Variants in ATE1 observed in about 807,000 individuals in gnomAD.
ATE1 encodes the protein arginyltransferase 1.
ATE1 carries 36 observed loss-of-function variants against 70.5 expected under a neutral mutation model. That is an observed-to-expected ratio of 0.51 (90% CI 0.39 to 0.67). ATE1 has a LOEUF of 0.67. Ranked by LOEUF, ATE1 falls within the 30% of genes least tolerant of loss-of-function variation. ATE1 has a pLI of 0.00. For missense variants in ATE1, 593 were observed against 629.5 expected, an observed-to-expected ratio of 0.94 and a Z score of 0.62; for synonymous variants, 232 against 219.3, an observed-to-expected ratio of 1.06 and a Z score of -0.51.
At position 121,743,447 on chromosome 10, in the gene ATE1, T is replaced by G; in HGVS notation, c.*233A>C. The G allele has an allele frequency of 1.3e-6, 1 of 771,198 alleles. No individual in the cohort carries two copies. Among genetic ancestry groups the G allele is most frequent in the Non-Finnish European group, 1.7e-6 (1 of 580,808 alleles). 47.8% of individuals were successfully genotyped at this position (771,198 alleles called of 1,614,324 possible). ...TTGCTCTAGAAAGAATCCTCCAAAA[T>G]GATAAATCCCAATTATGGGGGCTAG... On this transcript the variant is annotated 3_prime_UTR_variant, in exon 12 of 12. Coordinates refer to ENST00000224652, the MANE Select transcript of ATE1 (RefSeq NM_001001976.3).
At chr10:121,789,338 G>T (rs1051690833) in intron 11 of ATE1, among the ~76,000 whole-genome samples, 2 of 113,798 alleles carry the variant, frequency 1.8e-5, no homozygotes, top group South Asian at 3.0e-4. Flanking sequence ...TTACACTGTC[G>T]CCCAGGCTGA....
intron 1 of ATE1, chr10:121,927,108 G>C (rs1010052426): frequency 3.0e-6 from 3 of 985,274 alleles, no homozygotes; most frequent in Non-Finnish European, 3.6e-6. Context: ...TGCATGGCAA[G>C]AGAGGAAATA....
chr10:121,811,882 A>G (rs1007290710), intron 10 of ATE1, among the ~76,000 whole-genome samples: 3 of 151,336 alleles, frequency 2.0e-5, no homozygotes, highest in Non-Finnish European at 4.4e-5. Flanking sequence ...ACGTGGTGCT[A>G]TACTGGAATA....
chr10:121,789,318 A>C lies in ATE1; in HGVS notation c.1378+851T>G, dbSNP rs1037758718. On this transcript the variant is annotated intron_variant, in intron 11 of 11. Transcript: ENST00000224652. ...ATGCTTTTTTTTTTTTTTTTTTTTG[A>C]GACAGAGTCTTACACTGTCGCCCAG... Among the ~76,000 whole-genome samples the C allele has an allele frequency of 1.7e-3, 5 of 2,912 alleles. No homozygotes were observed. In the South Asian group the frequency reaches 0.033, roughly 19 times the overall value. 1.9% of individuals were successfully genotyped at this position (2,912 alleles called of 152,430 possible). A position where few individuals can be genotyped will look rare whatever the true frequency, so the allele number is the denominator to read the frequency against.
At chr10:121,790,534 G>A (rs150821970) in intron 10 of ATE1, among the ~76,000 whole-genome samples, 3 of 152,266 alleles carry the variant, frequency 2.0e-5, no homozygotes, top group Admixed American at 1.3e-4. Context: ...TGGAAAATTC[G>A]AGTTTTTACT....
intron 10 of ATE1, among the ~76,000 whole-genome samples, chr10:121,803,015 T>C (rs1946951814): frequency 6.6e-6 from 1 of 152,194 alleles, no homozygotes; most frequent in Admixed American, 6.5e-5. Flanking sequence ...CGTTGACGTC[T>C]TTAGGAGATA....
intron 7 of ATE1, among the ~76,000 whole-genome samples, chr10:121,896,867 C>A (rs1435867067): frequency 2.1e-5 from 3 of 145,016 alleles, no homozygotes; most frequent in Non-Finnish European, 3.0e-5. Context: ...TCCCCTATTA[C>A]CTCCTAACAG....
chr10:121,928,340 C>G (rs1425500841), upstream of ATE1: 2 of 1,521,150 alleles, frequency 1.3e-6, no homozygotes, highest in Admixed American at 4.2e-5. Context: ...GCGTCGGGAA[C>G]ACTCACCGCA....
At chr10:121,748,234 T>C (rs954164385) in intron 11 of ATE1, among the ~76,000 whole-genome samples, 5 of 152,200 alleles carry the variant, frequency 3.3e-5, no homozygotes, top group African/African-American at 9.6e-5. Context: ...GAATGTGAGA[T>C]CTGATATGTC....
At chr10:121,923,590 G>T (rs1564971928) in intron 2 of ATE1, among the ~76,000 whole-genome samples, 1 of 152,136 alleles carries the variant, frequency 6.6e-6, no homozygotes, top group Non-Finnish European at 1.5e-5. Flanking sequence ...TGATATTTCA[G>T]CTGGTGCTCC....
intron 11 of ATE1, among the ~76,000 whole-genome samples, chr10:121,755,869 C>T (rs1383541975): frequency 2.0e-5 from 3 of 152,146 alleles, no homozygotes; most frequent in Non-Finnish European, 4.4e-5. Context: ...GGACACAGAG[C>T]CAAACCATAT....
rs139300996 is a variant in ATE1, at chr10:121,841,114, C to T, written c.1125G>A (p.Ser375=). Residue 375 remains serine, a synonymous_variant, in exon 9 of 12, where the codon TCG becomes TCA. Transcript: ENST00000224652. ...CAGAGTAGACGCCCAAAGACAAAAACGAATAATCAGGATCGTAGTACAAAT... is the reference window on the plus strand; with the variant it reads ...CAGAGTAGACGCCCAAAGACAAAAATGAATAATCAGGATCGTAGTACAAAT... The part of the protein sequence containing the change: ...SVYLYYDPDY[S]FLSLGVYSAL... 131 of 1,575,140 alleles carry T rather than the reference C, an allele frequency of 8.3e-5. No individual in the cohort carries two copies. In the Middle Eastern group the frequency reaches 2.7e-3, roughly 33 times the overall value.
chr10:121,824,180 G>A (rs11200179), intron 10 of ATE1, among the ~76,000 whole-genome samples: 18,370 of 152,106 alleles, frequency 0.12, 1,392 homozygotes, highest in East Asian at 0.32. Context: ...CACTGACTAC[G>A]TCTAATTCAC....
rs953905562 is a variant in ATE1 at position 121,743,655 on chromosome 10, G to C, written c.*25C>G. On this transcript the variant is annotated 3_prime_UTR_variant, in exon 12 of 12. Transcript: ENST00000224652. ...GGCACAAATCATCAGCACAACACAGGAACTTCCCGGCAGAGGTGAACAGGT... is the reference window on the plus strand; with the variant it reads ...GGCACAAATCATCAGCACAACACAGCAACTTCCCGGCAGAGGTGAACAGGT... 1.3e-6 allele frequency: 2 copies of C among 1,577,394 alleles called. No homozygotes were observed. Among genetic ancestry groups the C allele is most frequent in the African/African-American group, 2.7e-5 (2 of 73,752 alleles).
rs571069840 is a variant in ATE1 at position 121,831,453 on chromosome 10, C to T, written c.1257+5265G>A. Among the ~76,000 whole-genome samples the T allele has an allele frequency of 6.6e-5, 10 of 152,230 alleles. No individual in the cohort carries two copies. The East Asian group carries it at 1.9e-3, about 29-fold the overall frequency. ...CAAGCAAGACTGACTGATTAGACGA[C>T]GACTGCTCCCTCCTCTGCACTCGTG... On this transcript the variant is annotated intron_variant, in intron 10 of 11. Transcript: ENST00000224652.
At chr10:121,853,754 C>T (rs1400031855) in intron 8 of ATE1, among the ~76,000 whole-genome samples, 1 of 151,986 alleles carries the variant, frequency 6.6e-6, no homozygotes, top group Admixed American at 6.6e-5. Flanking sequence ...AACAATATAC[C>T]TTAGACTGGG....
intron 7 of ATE1, among the ~76,000 whole-genome samples, chr10:121,876,627 A>G (rs61220712): frequency 0.033 from 5,017 of 152,280 alleles, 150 homozygotes; most frequent in African/African-American, 0.082. Flanking sequence ...CAGTATAACA[A>G]TTCTATATCT....
intron 11 of ATE1, among the ~76,000 whole-genome samples, chr10:121,788,871 T>A (rs531152084): frequency 1.3e-5 from 2 of 152,310 alleles, no homozygotes; most frequent in South Asian, 4.1e-4. Context: ...CCTGAGAGCA[T>A]CAGCACCTGT....
intron 11 of ATE1, among the ~76,000 whole-genome samples, chr10:121,772,904 T>C (rs1945582339): frequency 6.6e-6 from 1 of 152,228 alleles, no homozygotes; most frequent in Non-Finnish European, 1.5e-5. Context: ...GGTTGGAACA[T>C]GCAATCCACT....
Sources: allele counts gnomAD v4.1 joint callset (sites outside exome capture counted in the v4.1 genomes callset), GRCh38; gene constraint gnomAD v4.1.1; transcripts MANE v1.5; gene names NCBI Gene and HGNC (gene_info 2026-07-23, HGNC 2026-07-21).